ARHGAP26: variants seen among roughly 807,000 people sequenced by gnomAD.
ARHGAP26 encodes the protein Rho GTPase activating protein 26.
ARHGAP26 carries 38 observed loss-of-function variants against 104.8 expected under a neutral mutation model. The observed-to-expected ratio is 0.36, with a 90% CI of 0.28 to 0.48. ARHGAP26 has a LOEUF of 0.48. Among genes scored for constraint, ARHGAP26 ranks in the 20% least tolerant of loss-of-function variants. The probability of loss-of-function intolerance (pLI) is 0.99; values close to 1 mark genes in which losing one functional copy is unlikely to be tolerated. For missense variants in ARHGAP26, 704 were observed against 947.9 expected (o/e 0.74, Z 3.38); for synonymous variants, 341 against 340.0 (o/e 1.00, Z -0.03).
intron 11 of ARHGAP26, among the ~76,000 whole-genome samples, chr5:142,950,970 T>C (rs1598363981): frequency 1.5e-5 from 2 of 131,596 alleles, no homozygotes; most frequent in Admixed American, 7.8e-5. Flanking sequence ...TTTCCCTTCC[T>C]CTTTCCCTTT....
At chr5:143,024,957 G>A (rs1269009799) in intron 12 of ARHGAP26, among the ~76,000 whole-genome samples, 1 of 152,338 alleles carries the variant, frequency 6.6e-6, no homozygotes, top group South Asian at 2.1e-4. Flanking sequence ...TTCTTTGTCT[G>A]AAGGTGGGAA....
At chr5:142,832,314 A>G (rs1035758594) in intron 1 of ARHGAP26, among the ~76,000 whole-genome samples, 3 of 152,256 alleles carry the variant, frequency 2.0e-5, no homozygotes, top group African/African-American at 7.2e-5. Context: ...AAATGGGGTT[A>G]TATGGGTGAG....
chr5:143,069,099 T>A (rs1476429953), intron 17 of ARHGAP26, among the ~76,000 whole-genome samples: 2 of 152,150 alleles, frequency 1.3e-5, no homozygotes, highest in African/African-American at 2.4e-5. Flanking sequence ...CCTCCTGCCA[T>A]CCTCTCTCCT....
At chr5:142,799,839 A>G (rs763882232) in intron 1 of ARHGAP26, among the ~76,000 whole-genome samples, 14 of 152,238 alleles carry the variant, frequency 9.2e-5, no homozygotes, top group Non-Finnish European at 1.8e-4. Flanking sequence ...CCATGGCCTC[A>G]TCACCTCTTA....
intron 10 of ARHGAP26, among the ~76,000 whole-genome samples, chr5:142,920,014 TAAA>T: frequency 6.6e-6 from 1 of 152,266 alleles, no homozygotes; most frequent in South Asian, 2.1e-4. Context: ...TAAAATAAAA[TAAA>T]AATCACTTTT....
rs116400434 is a variant in ARHGAP26 at position 143,099,960 on chromosome 5, A to G, written c.1539-21028A>G. ...TGAAATTAAAAACATAGCTGATGCA[A>G]TAAATATCAGACTAACCAAAGTAGA... On this transcript the variant is annotated intron_variant, in intron 17 of 22. Coordinates refer to ENST00000645722, the MANE Select transcript of ARHGAP26 (RefSeq NM_001135608.3). Among the ~76,000 whole-genome samples, 432 of 152,364 alleles carry G rather than the reference A, an allele frequency of 2.8e-3. 3 individuals are homozygous for G. Among genetic ancestry groups the G allele is most frequent in the African/African-American group, 0.01 (416 of 41,592 alleles).
At chr5:143,041,961 G>A (rs1598763806) in intron 14 of ARHGAP26, 71 bp downstream of exon 14, 1 of 1,318,598 alleles carries the variant, frequency 7.6e-7, no homozygotes, top group Non-Finnish European at 1.1e-6. Context: ...CACCAGGTCT[G>A]TGAGTAGATA....
chr5:142,854,184 A>G (rs976382154), intron 1 of ARHGAP26, among the ~76,000 whole-genome samples: 14 of 152,206 alleles, frequency 9.2e-5, no homozygotes, highest in Non-Finnish European at 2.1e-4. Context: ...CCACCACAAT[A>G]TTGGGAGAAT....
At chr5:143,202,756 C>T (rs994503410) in intron 20 of ARHGAP26, 6 of 152,122 alleles carry the variant, frequency 3.9e-5, no homozygotes, top group Non-Finnish European at 7.4e-5. Context: ...GAACAGAGGC[C>T]TCAGAAATGA....
chr5:143,188,212 A>G (rs541515070), intron 20 of ARHGAP26, among the ~76,000 whole-genome samples: 6 of 152,348 alleles, frequency 3.9e-5, no homozygotes, highest in African/African-American at 1.2e-4. Context: ...ACTAAGTACA[A>G]TACGTGGGGG....
chr5:143,134,534 G>A (rs1269517081), intron 19 of ARHGAP26, among the ~76,000 whole-genome samples: 2 of 152,152 alleles, frequency 1.3e-5, no homozygotes, highest in Non-Finnish European at 2.9e-5. Flanking sequence ...GTGAGGGTGG[G>A]ACCTTGTACG....
intron 1 of ARHGAP26, among the ~76,000 whole-genome samples, chr5:142,813,891 T>C (rs1162035351): frequency 2.0e-5 from 3 of 152,222 alleles, no homozygotes; most frequent in Non-Finnish European, 4.4e-5. Flanking sequence ...AATACACTCA[T>C]GTTACCTAAG....
At chr5:143,156,524 C>T (rs1800480670) in intron 20 of ARHGAP26, among the ~76,000 whole-genome samples, 1 of 152,206 alleles carries the variant, frequency 6.6e-6, no homozygotes, top group African/African-American at 2.4e-5. Flanking sequence ...CCTATAGGAT[C>T]AGCATATTCT....
Position 143,087,636 on chromosome 5 carries a change from C to CT in ARHGAP26, c.1538+29915dup, listed in dbSNP as rs35201189. ...CTCATCTAATTAACCCTGGCCCATT[C>CT]TTTTTTTTTTTTTTTTTTTTTTTTT... On this transcript the variant is annotated intron_variant, in intron 17 of 22. Coordinates refer to ENST00000645722, the MANE Select transcript of ARHGAP26 (RefSeq NM_001135608.3). 2.4e-3 allele frequency among the ~76,000 whole-genome samples: 122 copies of CT among 51,554 alleles called. 16 individuals carry two copies. Among genetic ancestry groups the CT allele is most frequent in the African/African-American group, 8.2e-3 (105 of 12,772 alleles). The allele number at this position is 51,554 out of a possible 152,430, so 33.8% of individuals were successfully genotyped here.
chr5:142,951,692 T>G lies in ARHGAP26; in HGVS notation c.1107+19567T>G, dbSNP rs964893087. ...AAATAATCAGCCACAACCTGGCCAC[T>G]CAGAGTAGAGGAGGGCCCTATCTTA... is the stretch of plus-strand genomic sequence containing the variant. On this transcript the variant is annotated intron_variant, in intron 11 of 22. Coordinates refer to ENST00000645722, the MANE Select transcript of ARHGAP26 (RefSeq NM_001135608.3). 3.3e-5 allele frequency among the ~76,000 whole-genome samples: 5 copies of G among 152,322 alleles called. No individual in the cohort carries two copies. The East Asian group carries it at 9.6e-4, about 29-fold the overall frequency.
intron 20 of ARHGAP26, among the ~76,000 whole-genome samples, chr5:143,186,397 G>A (rs3776231): frequency 0.061 from 9,283 of 152,194 alleles, 900 homozygotes; most frequent in African/African-American, 0.2. Context: ...GCCATCCACA[G>A]CAGTGCCTAG....
At chr5:143,032,924 C>T (rs1386656778) in intron 12 of ARHGAP26, among the ~76,000 whole-genome samples, 1 of 152,078 alleles carries the variant, frequency 6.6e-6, no homozygotes, top group Non-Finnish European at 1.5e-5. Flanking sequence ...TACACTAGTT[C>T]CAGTTTAGAG....
In ARHGAP26 at chr5:142,973,968, A is replaced by C. The variant is rs564222347; in HGVS notation, c.1108-40112A>C. ...CCCTTTTCCCACATACATTTTGAAG[A>C]TTATTTTAGACTGGGCAGTGCCCTA... On this transcript the variant is annotated intron_variant, in intron 11 of 22. Transcript: ENST00000645722. Among the ~76,000 whole-genome samples, 112 of 152,096 alleles carry C rather than the reference A, an allele frequency of 7.4e-4. 1 individual carries two copies. The highest frequency in any genetic ancestry group is 1.3e-3 in the Non-Finnish European group (88 of 68,024).
At chr5:142,867,226 G>A (rs1317403225) in intron 1 of ARHGAP26, among the ~76,000 whole-genome samples, 1 of 152,068 alleles carries the variant, frequency 6.6e-6, no homozygotes, top group Non-Finnish European at 1.5e-5. Context: ...AGGTAAGACC[G>A]TGTGTCACGG....
Sources: gnomAD v4.1 joint callset for allele counts (sites outside exome capture counted in the v4.1 genomes callset) on GRCh38, gnomAD v4.1.1 for gene constraint, MANE v1.5 for transcripts, NCBI Gene and HGNC (gene_info 2026-07-23, HGNC 2026-07-21) for gene names.